The following SUFU variants were observed in gnomAD, a reference collection of about 807,000 sequenced individuals.
The protein encoded by SUFU is SUFU negative regulator of hedgehog signaling, also known as suppressor of fused homolog.
A neutral mutation model predicts 58.9 loss-of-function variants in SUFU; 7 were observed. The ratio of observed to expected loss-of-function variants is 0.12; its 90% CI spans 0.07 to 0.22. The LOEUF (loss-of-function observed/expected upper bound fraction) is 0.22. Among genes scored for constraint, SUFU ranks in the 10% least tolerant of loss-of-function variants. The pLI, the probability that SUFU is intolerant of heterozygous loss-of-function variation, is 1.00. For missense variants in SUFU, 451 were observed against 641.3 expected (o/e 0.70, Z 3.20); for synonymous variants, 232 against 254.8 (o/e 0.91, Z 0.85).
At chr10:102,610,259 G>A (rs773763294) in intron 8 of SUFU, among the ~76,000 whole-genome samples, 1 of 151,754 alleles carries the variant, frequency 6.6e-6, no homozygotes, top group African/African-American at 2.4e-5. Flanking sequence ...CAGGTGTGGT[G>A]GTGGGCACCT....
chr10:102,570,231 ATATTTATTTATT>A (rs10524429), intron 3 of SUFU, among the ~76,000 whole-genome samples: 1 of 148,352 alleles, frequency 6.7e-6, no homozygotes, highest in Non-Finnish European at 1.5e-5. Context: ...AACCGAGAGA[ATATTTATTTATT>A]TATTTATTTA....
intron 3 of SUFU, among the ~76,000 whole-genome samples, chr10:102,560,859 T>C (rs1354181419): frequency 1.3e-5 from 2 of 152,034 alleles, no homozygotes; most frequent in Non-Finnish European, 2.9e-5. Flanking sequence ...TTTGATGAGA[T>C]GGAGATTTAC....
Position 102,626,876 on chromosome 10 carries a change from C to T in SUFU, c.1297-299C>T, listed in dbSNP as rs568396806. Among the ~76,000 whole-genome samples, 3 of 152,186 alleles carry T rather than the reference C, an allele frequency of 2.0e-5. No homozygotes were observed. The East Asian group carries it at 5.8e-4, about 29-fold the overall frequency. ...TCCTGAGATTCCTTTTTACCGGCCC[C>T]ACCAGTGTTCATCTCCCTTCTGGGA... On this transcript the variant is annotated intron_variant, in intron 10 of 11. Coordinates refer to ENST00000369902, the MANE Select transcript of SUFU (RefSeq NM_016169.4).
intron 2 of SUFU, among the ~76,000 whole-genome samples, chr10:102,514,608 G>A (rs2062443522): frequency 6.6e-6 from 1 of 152,238 alleles, no homozygotes; most frequent in Non-Finnish European, 1.5e-5. Flanking sequence ...AAATTGTCCT[G>A]TGGGACTCTT....
Position 102,503,972 on chromosome 10 carries a change from A to T in SUFU, c.-181A>T, listed in dbSNP as rs867202826. 2.3e-6 allele frequency: 2 copies of T among 861,228 alleles called. No homozygotes were observed. The highest frequency in any genetic ancestry group is 3.3e-6 in the Non-Finnish European group (2 of 610,972). The allele number at this position is 861,228 out of a possible 1,614,324, so 53.3% of individuals were successfully genotyped here. ...CCGCCGCCCCGAGGCACCCTCTGGC[A>T]GACTCGGCGGCGGCGACAGCCTGGG... is the stretch of plus-strand genomic sequence containing the variant. On this transcript the variant is annotated 5_prime_UTR_variant, in exon 1 of 12. Transcript: ENST00000369902.
intron 8 of SUFU, among the ~76,000 whole-genome samples, chr10:102,606,141 C>T (rs2063560774): frequency 6.6e-6 from 1 of 152,166 alleles, no homozygotes; most frequent in Non-Finnish European, 1.5e-5. Context: ...GTGATCAAGG[C>T]ATGTACTATG....
Position 102,525,094 on chromosome 10 carries a change from T to G in SUFU, c.317+15791T>G, listed in dbSNP as rs546533373. On this transcript the variant is annotated intron_variant, in intron 2 of 11. Coordinates refer to ENST00000369902, the MANE Select transcript of SUFU (RefSeq NM_016169.4). The stretch of plus-strand genomic sequence containing the variant: ...TTGGAAAAATTGTCTGAACCTTGCT[T>G]TATTTTATTTTATTTTATTTTATTT... Among the ~76,000 whole-genome samples the G allele has an allele frequency of 1.8e-4, 28 of 152,160 alleles. No individual in the cohort carries two copies. In the South Asian group the frequency reaches 5.6e-3, roughly 30 times the overall value.
chr10:102,522,190 G>A (rs2062559064), intron 2 of SUFU, among the ~76,000 whole-genome samples: 1 of 152,180 alleles, frequency 6.6e-6, no homozygotes, highest in African/African-American at 2.4e-5. Flanking sequence ...CTTACCCACT[G>A]CCATGTTACA....
Position 102,504,170 on chromosome 10 carries a change from T to C in SUFU, c.18T>C (p.Pro6=). 4 of 1,546,526 alleles carry C rather than the reference T, an allele frequency of 2.6e-6. No homozygotes were observed. In the South Asian group the frequency reaches 4.8e-5, roughly 18 times the overall value. ...GCACCCCGATGGCGGAGCTGCGGCC[T>C]AGCGGCGCCCCCGGCCCCACCGCGC... MAELR[P]SGAPGPTAPP... Residue 6 remains proline (P), a synonymous_variant, in exon 1 of 12, where the codon CCT becomes CCC. Transcript: ENST00000369902.
At chr10:102,621,965 G>A (rs1247444131) in intron 10 of SUFU, among the ~76,000 whole-genome samples, 1 of 152,236 alleles carries the variant, frequency 6.6e-6, no homozygotes, top group African/African-American at 2.4e-5. Context: ...ACTGACACAA[G>A]ATCACTTTTC....
chr10:102,594,618 A>G (rs1181057170), intron 6 of SUFU, among the ~76,000 whole-genome samples: 1 of 151,908 alleles, frequency 6.6e-6, no homozygotes, highest in African/African-American at 2.4e-5. Context: ...GCAGCTGCCC[A>G]CTCCCTGTGG....
intron 8 of SUFU, among the ~76,000 whole-genome samples, chr10:102,604,405 C>T (rs150529624): frequency 3.3e-5 from 5 of 152,296 alleles, no homozygotes; most frequent in Non-Finnish European, 7.4e-5. Context: ...GTTTTAACTC[C>T]GTTCTTTGCT....
chr10:102,594,347 A>AAAGAT lies in SUFU; in HGVS notation c.756+286_756+290dup, dbSNP rs1389851758. ...TTAAAAAATTAGATTGCCAGCAATA[A>AAAGAT]AAGATAAGTGTAGTGGATATTGCTT... On this transcript the variant is annotated intron_variant, in intron 6 of 11. Coordinates refer to ENST00000369902, the MANE Select transcript of SUFU (RefSeq NM_016169.4). Among the ~76,000 whole-genome samples the AAAGAT allele has an allele frequency of 4.6e-5, 7 of 152,216 alleles. No individual in the cohort carries two copies. In the East Asian group the frequency reaches 1.3e-3, roughly 29 times the overall value.
chr10:102,504,242 T>C lies in SUFU; in HGVS notation c.90T>C (p.Phe30=), dbSNP rs1589970035. The change falls in exon 1 of 12, where the codon TTT becomes TTC. Residue 30 remains phenylalanine (F), a synonymous_variant. Coordinates refer to ENST00000369902, the MANE Select transcript of SUFU (RefSeq NM_016169.4). The part of the protein sequence containing the change: ...PTAPPAFASL[F]PPGLHAIYGE... ...CCCCCCCGGCCTTCGCTTCGCTCTT[T>C]CCCCCGGGACTGCACGCCATCTACG... 2 of 1,613,522 alleles carry C rather than the reference T, an allele frequency of 1.2e-6. No homozygotes were observed.
At chr10:102,592,473 C>T (rs981896775) in intron 3 of SUFU, 109 bp from the exon 4 acceptor site, 4 of 1,289,480 alleles carry the variant, frequency 3.1e-6, no homozygotes, top group Middle Eastern at 2.4e-4. Flanking sequence ...ACAGGGGCTA[C>T]CCTAAGAGGC....
intron 2 of SUFU, among the ~76,000 whole-genome samples, chr10:102,511,206 T>C (rs977679303): frequency 1.1e-4 from 17 of 150,520 alleles, no homozygotes; most frequent in African/African-American, 4.1e-4. Flanking sequence ...TGATGGAGAG[T>C]TTCTTTTCTT....
At chr10:102,531,964 T>TA (rs917034161) in intron 2 of SUFU, among the ~76,000 whole-genome samples, 5 of 151,680 alleles carry the variant, frequency 3.3e-5, no homozygotes, top group African/African-American at 1.2e-4. Context: ...GAGAACTTTT[T>TA]TTTTTTTTGA....
Position 102,504,278 on chromosome 10 carries a change from C to G in SUFU, c.126C>G (p.Arg42=), listed in dbSNP as rs779935477. The change falls in exon 1 of 12, where the codon CGC becomes CGG. Residue 42 remains arginine (R), a synonymous_variant. Coordinates refer to ENST00000369902, the MANE Select transcript of SUFU (RefSeq NM_016169.4). The part of the protein sequence containing the change: ...PGLHAIYGEC[R]RLYPDQPNPL... ...TGCACGCCATCTACGGAGAGTGCCG[C>G]CGCCTTTACCCTGACCAGCCGAACC... is the stretch of plus-strand genomic sequence containing the variant. 7.4e-6 allele frequency: 12 copies of G among 1,613,952 alleles called. No homozygotes were observed. Among genetic ancestry groups the G allele is most frequent in the African/African-American group, 1.3e-5 (1 of 74,920 alleles).
rs555064651 is a variant in SUFU, at chr10:102,617,353, G to A, written c.1221G>A (p.Thr407=). The A allele has an allele frequency of 1.6e-5, 26 of 1,614,230 alleles. No individual in the cohort carries two copies. Among genetic ancestry groups the A allele is most frequent in the Middle Eastern group, 1.6e-4 (1 of 6,062 alleles). ...YKSITGDMAI[T]FVSTGVEGAF... is the part of the protein sequence containing the mutation. ...GTATCACAGGTGACATGGCCATCAC[G>A]TTTGTCTCCACGGGAGTGGAAGGCG... The change falls in exon 10 of 12, where the codon ACG becomes ACA. Residue 407 remains threonine (T), a synonymous_variant. Coordinates refer to ENST00000369902, the MANE Select transcript of SUFU (RefSeq NM_016169.4). The surrounding 1 kb of genome is among the most constrained non-coding windows in gnomAD (Gnocchi z 4.4).
Sources: gnomAD v4.1 joint callset for allele counts (sites outside exome capture counted in the v4.1 genomes callset) on GRCh38, gnomAD v4.1.1 for gene constraint, Gnocchi (gnomAD v3.1) non-coding constraint, MANE v1.5 for transcripts, NCBI Gene and HGNC (gene_info 2026-07-23, HGNC 2026-07-21) for gene names.